RGL1: variants seen among roughly 807,000 people sequenced by gnomAD.
RGL1 encodes the protein ral guanine nucleotide dissociation stimulator-like 1.
Under a neutral mutation model 95.2 loss-of-function variants are expected in RGL1, and 24 were observed. That is an observed-to-expected ratio of 0.25 (90% CI 0.18 to 0.35). The LOEUF (loss-of-function observed/expected upper bound fraction) is 0.35. RGL1 is among the 10% of genes least tolerant of loss of function. The pLI is 1.00. For missense variants in RGL1, 715 were observed against 936.3 expected (o/e 0.76, Z 3.08); for synonymous variants, 329 against 344.9 (o/e 0.95, Z 0.51).
chr1:183,679,261 A>G (rs1653036553), intron 1 of RGL1, among the ~76,000 whole-genome samples: 1 of 152,150 alleles, frequency 6.6e-6, no homozygotes, highest in Non-Finnish European at 1.5e-5. Flanking sequence ...ATTATACTTT[A>G]AGTTCCGGGA....
chr1:183,847,249 G>A (rs1664503777), intron 2 of RGL1, among the ~76,000 whole-genome samples: 1 of 152,142 alleles, frequency 6.6e-6, no homozygotes, highest in African/African-American at 2.4e-5. Flanking sequence ...AGGAGTTTGA[G>A]ACCAGTCTGG....
chr1:183,740,230 C>T (rs1657205573), intron 1 of RGL1, among the ~76,000 whole-genome samples: 1 of 152,146 alleles, frequency 6.6e-6, no homozygotes, highest in South Asian at 2.1e-4. Flanking sequence ...GTGTCAGCAT[C>T]ATTTATTAGT....
At chr1:183,903,682 G>C (rs1010022300) in intron 12 of RGL1, among the ~76,000 whole-genome samples, 1 of 152,196 alleles carries the variant, frequency 6.6e-6, no homozygotes, top group Admixed American at 6.5e-5. Context: ...AAGGGTTTGT[G>C]AGCAGAAGTA....
chr1:183,778,265 G>A (rs888371294), intron 2 of RGL1, among the ~76,000 whole-genome samples: 1 of 152,112 alleles, frequency 6.6e-6, no homozygotes, highest in African/African-American at 2.4e-5. Flanking sequence ...ATAGCTTAGG[G>A]TTATTGGCAG....
intron 2 of RGL1, among the ~76,000 whole-genome samples, chr1:183,846,412 G>C (rs998996987): frequency 9.2e-5 from 14 of 152,136 alleles, no homozygotes; most frequent in African/African-American, 3.4e-4. Context: ...TGACAGACTA[G>C]GGGAGGGATA....
intron 4 of RGL1, among the ~76,000 whole-genome samples, chr1:183,875,455 A>G (rs920303539): frequency 2.0e-5 from 3 of 152,202 alleles, no homozygotes; most frequent in Admixed American, 6.5e-5. Flanking sequence ...CCCTCTCTGC[A>G]TTGCGTGCCT....
intron 1 of RGL1, among the ~76,000 whole-genome samples, chr1:183,696,262 C>A (rs1363308519): frequency 6.6e-6 from 1 of 152,184 alleles, no homozygotes; most frequent in Non-Finnish European, 1.5e-5. Context: ...TCAAAGGCCA[C>A]TTCTCAGCTT....
At chr1:183,917,675 T>G (rs950354959) in intron 16 of RGL1, among the ~76,000 whole-genome samples, 2 of 152,164 alleles carry the variant, frequency 1.3e-5, no homozygotes, top group African/African-American at 4.8e-5. Context: ...GGGAGATGAG[T>G]GAGACATTTC....
intron 2 of RGL1, among the ~76,000 whole-genome samples, chr1:183,833,289 C>G (rs929003294): frequency 6.6e-6 from 1 of 152,138 alleles, no homozygotes; most frequent in Non-Finnish European, 1.5e-5. Flanking sequence ...TTTATCCAAG[C>G]TTTTATTAAT....
At chr1:183,878,913 T>G (rs1045722258) in intron 4 of RGL1, among the ~76,000 whole-genome samples, 1 of 152,218 alleles carries the variant, frequency 6.6e-6, no homozygotes, top group African/African-American at 2.4e-5. Context: ...TAAGAAACAT[T>G]AAGCAAGTAT....
chr1:183,678,897 C>T (rs1558149295), intron 1 of RGL1, among the ~76,000 whole-genome samples: 1 of 152,200 alleles, frequency 6.6e-6, no homozygotes, highest in Non-Finnish European at 1.5e-5. Flanking sequence ...TGTTAGTCCC[C>T]TTTTACAAGC....
At chr1:183,854,216 T>C (rs773952113) in intron 3 of RGL1, among the ~76,000 whole-genome samples, 72 of 152,196 alleles carry the variant, frequency 4.7e-4, no homozygotes, top group Non-Finnish European at 9.7e-4. Context: ...TAAAACTGAA[T>C]GTTGGCCAGG....
At chr1:183,684,288 T>C (rs1421904650) in intron 1 of RGL1, among the ~76,000 whole-genome samples, 1 of 152,228 alleles carries the variant, frequency 6.6e-6, no homozygotes, top group African/African-American at 2.4e-5. Flanking sequence ...TGCTGGTTTT[T>C]CCTCATCTTC....
intron 2 of RGL1, among the ~76,000 whole-genome samples, chr1:183,767,238 A>G (rs1260925195): frequency 1.3e-5 from 2 of 151,432 alleles, no homozygotes; most frequent in Non-Finnish European, 1.5e-5. Flanking sequence ...CAAAAAAAAA[A>G]AAAAAAAAGA....
intron 1 of RGL1, among the ~76,000 whole-genome samples, chr1:183,667,328 T>G (rs1652109597): frequency 6.6e-6 from 1 of 152,180 alleles, no homozygotes; most frequent in African/African-American, 2.4e-5. Context: ...TATTTTTTAT[T>G]TATTTATTTT....
intron 1 of RGL1, among the ~76,000 whole-genome samples, chr1:183,654,332 G>C (rs889737475): frequency 6.6e-6 from 1 of 152,124 alleles, no homozygotes; most frequent in African/African-American, 2.4e-5. Context: ...GTTTGCCATG[G>C]GTCATCCCTT....
intron 2 of RGL1, among the ~76,000 whole-genome samples, chr1:183,834,296 G>GA (rs1663479986): frequency 6.6e-6 from 1 of 152,092 alleles, no homozygotes; most frequent in Non-Finnish European, 1.5e-5. Context: ...TCACTACCGA[G>GA]ATAGCTAGTT....
chr1:183,645,290 C>A (rs928081364), intron 1 of RGL1, among the ~76,000 whole-genome samples: 1 of 152,150 alleles, frequency 6.6e-6, no homozygotes, highest in African/African-American at 2.4e-5. Context: ...TTAATCCAAA[C>A]CTGCTTCTGA....
chr1:183,650,281 C>T (rs1240074924), intron 1 of RGL1, among the ~76,000 whole-genome samples: 3 of 151,926 alleles, frequency 2.0e-5, no homozygotes, highest in Admixed American at 6.5e-5. Context: ...TGGTGGCTCA[C>T]GCCTATAATC....
Sources: gnomAD v4.1 joint callset for allele counts (sites outside exome capture counted in the v4.1 genomes callset) on GRCh38, gnomAD v4.1.1 for gene constraint, MANE v1.5 for transcripts, NCBI Gene and HGNC (gene_info 2026-07-23, HGNC 2026-07-21) for gene names.